ZNF385B: variants seen among roughly 807,000 people sequenced by gnomAD.
The protein encoded by ZNF385B is zinc finger protein 385B.
A neutral mutation model predicts 39.2 loss-of-function variants in ZNF385B; 23 were observed. The ratio of observed to expected loss-of-function variants is 0.59; its 90% CI spans 0.42 to 0.83. ZNF385B has a LOEUF of 0.83. ZNF385B is among the 40% of genes least tolerant of loss of function. The probability of loss-of-function intolerance (pLI) is 0.00; values close to 1 mark genes in which losing one functional copy is unlikely to be tolerated. For missense variants in ZNF385B, 552 were observed against 598.9 expected (o/e 0.92, Z 0.82); for synonymous variants, 205 against 222.6 (o/e 0.92, Z 0.70).
chr2:179,633,771 T>C (rs1423987035), intron 3 of ZNF385B, among the ~76,000 whole-genome samples: 1 of 152,168 alleles, frequency 6.6e-6, no homozygotes, highest in East Asian at 1.9e-4. Flanking sequence ...TTGTCCCTGT[T>C]TGCAGATGAC....
At chr2:179,522,533 C>A (rs2058578906) in intron 4 of ZNF385B, among the ~76,000 whole-genome samples, 1 of 146,038 alleles carries the variant, frequency 6.8e-6, no homozygotes, top group African/African-American at 2.5e-5. Context: ...AAACTATGTT[C>A]TATATCATAA....
At chr2:179,546,801 CA>C (rs2060263357) in intron 3 of ZNF385B, among the ~76,000 whole-genome samples, 1 of 141,068 alleles carries the variant, frequency 7.1e-6, no homozygotes, top group Non-Finnish European at 1.5e-5. Flanking sequence ...GAGGAATAAC[CA>C]AACTGTTTTC....
intron 3 of ZNF385B, among the ~76,000 whole-genome samples, chr2:179,747,505 G>A (rs111478005): frequency 2.4e-4 from 37 of 152,194 alleles, no homozygotes; most frequent in African/African-American, 8.2e-4. Context: ...ATTGTTCAGT[G>A]TCCTCTCTCT....
chr2:179,522,154 T>G (rs2058550612), intron 4 of ZNF385B, among the ~76,000 whole-genome samples: 1 of 152,204 alleles, frequency 6.6e-6, no homozygotes, highest in Admixed American at 6.5e-5. Context: ...TGCCCTCTGA[T>G]GCAATAACTA....
intron 4 of ZNF385B, among the ~76,000 whole-genome samples, chr2:179,524,538 C>A (rs909866200): frequency 1.0e-5 from 1 of 99,150 alleles, no homozygotes; most frequent in African/African-American, 4.3e-5. Flanking sequence ...GGTGACAGAG[C>A]GAGACTCCGT....
intron 5 of ZNF385B, among the ~76,000 whole-genome samples, chr2:179,513,209 G>T (rs1200826528): frequency 6.6e-6 from 1 of 152,148 alleles, no homozygotes; most frequent in African/African-American, 2.4e-5. Flanking sequence ...TGTAAATAGG[G>T]TAATTATAAA....
At chr2:179,740,680 C>T (rs965652175) in intron 3 of ZNF385B, among the ~76,000 whole-genome samples, 4 of 152,056 alleles carry the variant, frequency 2.6e-5, no homozygotes, top group African/African-American at 9.7e-5. Flanking sequence ...GACATTGATG[C>T]CAACATGGGG....
intron 6 of ZNF385B, among the ~76,000 whole-genome samples, chr2:179,470,017 C>A (rs930731781): frequency 6.6e-6 from 1 of 152,148 alleles, no homozygotes; most frequent in Non-Finnish European, 1.5e-5. Flanking sequence ...GACAAGCGGC[C>A]GCCTGAACTT....
chr2:179,520,874 C>G lies in ZNF385B; in HGVS notation c.442-2236G>C, dbSNP rs115636443. ...TTTCTTTAAATCAAATTGAAGTACA[C>G]TTAAACAATAAATCATAGAAATAAT... On this transcript the variant is annotated intron_variant, in intron 4 of 9. Transcript: ENST00000410066. Among the ~76,000 whole-genome samples the G allele has an allele frequency of 7.4e-3, 1,124 of 152,274 alleles. 11 individuals carry two copies. Among genetic ancestry groups the G allele is most frequent in the Non-Finnish European group, 0.013 (857 of 68,010 alleles).
intron 3 of ZNF385B, among the ~76,000 whole-genome samples, chr2:179,662,800 C>A (rs1388747950): frequency 1.1e-4 from 17 of 152,116 alleles, no homozygotes; most frequent in Non-Finnish European, 1.8e-4. Flanking sequence ...ATGTCTGCTT[C>A]CAAGTTCTTT....
intron 1 of ZNF385B, among the ~76,000 whole-genome samples, chr2:179,824,357 G>T (rs1707565931): frequency 6.6e-6 from 1 of 152,116 alleles, no homozygotes; most frequent in African/African-American, 2.4e-5. Context: ...GAAAGAGAAA[G>T]GGTGCTTGGG....
chr2:179,451,880 C>T (rs933926305), intron 6 of ZNF385B, among the ~76,000 whole-genome samples: 1 of 151,934 alleles, frequency 6.6e-6, no homozygotes, highest in African/African-American at 2.4e-5. Flanking sequence ...TTTTAAAAGC[C>T]TCTTCGTGTA....
At chr2:179,688,899 T>G (rs946446343) in intron 3 of ZNF385B, among the ~76,000 whole-genome samples, 28 of 152,156 alleles carry the variant, frequency 1.8e-4, no homozygotes, top group Admixed American at 5.2e-4. Context: ...AAGACTAGGT[T>G]TTAAAAATAT....
At chr2:179,539,047 T>C (rs750441563) in intron 4 of ZNF385B, among the ~76,000 whole-genome samples, 68 of 152,222 alleles carry the variant, frequency 4.5e-4, no homozygotes, top group Non-Finnish European at 7.9e-4. Flanking sequence ...ATCATGTAAG[T>C]TGGGTATGTG....
At chr2:179,692,553 C>G (rs928195580) in intron 3 of ZNF385B, among the ~76,000 whole-genome samples, 1 of 152,106 alleles carries the variant, frequency 6.6e-6, no homozygotes, top group Admixed American at 6.6e-5. Flanking sequence ...TGATAAGTGC[C>G]CTATATTTGA....
rs1314021431 is a variant in ZNF385B, at chr2:179,718,504, A to G, written c.298+50999T>C. 5.4e-5 allele frequency among the ~76,000 whole-genome samples: 8 copies of G among 147,866 alleles called. No homozygotes were observed. The South Asian group carries it at 1.0e-3, about 19-fold the overall frequency. ...ATATCTTTATATATTATATATAATC[A>G]TTATATATTATATATATTATCATAA... On this transcript the variant is annotated intron_variant, in intron 3 of 9. Transcript: ENST00000410066.
chr2:179,800,945 T>C (rs1705990957), intron 1 of ZNF385B, among the ~76,000 whole-genome samples: 1 of 152,122 alleles, frequency 6.6e-6, no homozygotes, highest in East Asian at 1.9e-4. Flanking sequence ...GGTTCCTTGA[T>C]TTCATCTGTT....
intron 3 of ZNF385B, among the ~76,000 whole-genome samples, chr2:179,767,661 G>A (rs989342): frequency 0.98 from 148,960 of 152,176 alleles, 72,988 homozygotes; most frequent in Middle Eastern, 1. Flanking sequence ...TTCAGTGGAG[G>A]CTCTAAACAG....
intron 3 of ZNF385B, among the ~76,000 whole-genome samples, chr2:179,633,247 C>T (rs1284718729): frequency 6.6e-6 from 1 of 152,032 alleles, no homozygotes; most frequent in African/African-American, 2.4e-5. Flanking sequence ...AGAGACACAC[C>T]AAATAAAGAG....
Sources: gnomAD v4.1 joint callset for allele counts (sites outside exome capture counted in the v4.1 genomes callset) on GRCh38, gnomAD v4.1.1 for gene constraint, MANE v1.5 for transcripts, NCBI Gene and HGNC (gene_info 2026-07-23, HGNC 2026-07-21) for gene names.